The following ADAM12 variants were observed in gnomAD, a reference collection of about 807,000 sequenced individuals.
ADAM12 encodes the protein ADAM metallopeptidase domain 12.
A neutral mutation model predicts 106.4 loss-of-function variants in ADAM12; 70 were observed. That is an observed-to-expected ratio of 0.66 (90% CI 0.54 to 0.80). The LOEUF is 0.80. Among genes scored for constraint, ADAM12 ranks in the 30% least tolerant of loss-of-function variants. The probability of loss-of-function intolerance (pLI) is 0.00; values close to 1 mark genes in which losing one functional copy is unlikely to be tolerated. For missense variants in ADAM12, 1,010 were observed against 1,171.9 expected (o/e 0.86, Z 2.02); for synonymous variants, 420 against 433.5 (o/e 0.97, Z 0.39).
At chr10:126,332,115 G>A (rs899740130) in intron 1 of ADAM12, among the ~76,000 whole-genome samples, 3 of 152,206 alleles carry the variant, frequency 2.0e-5, no homozygotes, top group East Asian at 1.9e-4. Flanking sequence ...GCGGGGCCAC[G>A]GGCCAGTTGT....
intron 5 of ADAM12, among the ~76,000 whole-genome samples, chr10:126,128,480 T>C (rs1005598687): frequency 6.6e-6 from 1 of 152,252 alleles, no homozygotes; most frequent in Non-Finnish European, 1.5e-5. Context: ...AAATAAAGTA[T>C]GACCTACTGC....
intron 3 of ADAM12, among the ~76,000 whole-genome samples, chr10:126,222,897 G>A (rs1049919709): frequency 2.0e-5 from 3 of 152,072 alleles, no homozygotes; most frequent in African/African-American, 7.2e-5. Context: ...CCAATGCGTA[G>A]TCCAATTTCT....
chr10:126,158,891 GAGC>G (rs1956880248), intron 3 of ADAM12, among the ~76,000 whole-genome samples: 2 of 147,210 alleles, frequency 1.4e-5, no homozygotes, highest in African/African-American at 5.0e-5. Flanking sequence ...AGGATGCACA[GAGC>G]ATGGTGGGGA....
intron 11 of ADAM12, among the ~76,000 whole-genome samples, chr10:126,075,788 C>T (rs1955089439): frequency 6.6e-6 from 1 of 152,150 alleles, no homozygotes; most frequent in African/African-American, 2.4e-5. Context: ...AGAGAGGCAA[C>T]CCATTTTCTA....
chr10:126,252,237 TGGATTGGAC>T (rs1258094649), intron 3 of ADAM12, among the ~76,000 whole-genome samples: 108 of 83,652 alleles, frequency 1.3e-3, no homozygotes, highest in African/African-American at 1.7e-3. Flanking sequence ...ATTAGATGGA[TGGATTGGAC>T]TGATGGATGG....
chr10:126,267,093 A>C (rs1012318371), intron 3 of ADAM12, among the ~76,000 whole-genome samples: 4 of 152,218 alleles, frequency 2.6e-5, no homozygotes, highest in African/African-American at 9.7e-5. Context: ...TGATACCCAA[A>C]TCCAAATCCA....
intron 11 of ADAM12, among the ~76,000 whole-genome samples, chr10:126,082,634 G>A (rs1019683803): frequency 2.0e-5 from 3 of 152,060 alleles, no homozygotes; most frequent in Admixed American, 6.5e-5. Flanking sequence ...GCCTCCCAAA[G>A]TGCTGGGATT....
intron 3 of ADAM12, among the ~76,000 whole-genome samples, chr10:126,186,904 C>T (rs1957409400): frequency 6.6e-6 from 1 of 152,192 alleles, no homozygotes; most frequent in Admixed American, 6.5e-5. Context: ...GGGAAGCAGG[C>T]ACTACCATCT....
chr10:126,203,660 C>T (rs1957741189), intron 3 of ADAM12, among the ~76,000 whole-genome samples: 2 of 152,204 alleles, frequency 1.3e-5, no homozygotes, highest in African/African-American at 4.8e-5. Context: ...ATACCCTTTG[C>T]TTATCTGACA....
At chr10:126,375,971 G>T (rs1421314606) in intron 1 of ADAM12, among the ~76,000 whole-genome samples, 2 of 151,352 alleles carry the variant, frequency 1.3e-5, no homozygotes, top group Non-Finnish European at 2.9e-5. Flanking sequence ...AAATTTCTGG[G>T]CTCAAGTAAT....
chr10:126,084,887 T>C (rs952164316), intron 11 of ADAM12, among the ~76,000 whole-genome samples: 3 of 152,220 alleles, frequency 2.0e-5, no homozygotes, highest in African/African-American at 7.2e-5. Flanking sequence ...GTGGGCCCTC[T>C]GGCCTTCCTG....
intron 3 of ADAM12, among the ~76,000 whole-genome samples, chr10:126,269,516 G>C (rs532943965): frequency 1.5e-4 from 23 of 152,252 alleles, no homozygotes; most frequent in African/African-American, 5.5e-4. Flanking sequence ...AGGCCATAAC[G>C]ACCCCAGCCT....
At chr10:126,029,299 C>T (rs185127257) in intron 21 of ADAM12, among the ~76,000 whole-genome samples, 12 of 152,184 alleles carry the variant, frequency 7.9e-5, no homozygotes, top group Admixed American at 3.3e-4. Context: ...CATATGTTCA[C>T]TGCAGCACTA....
intron 6 of ADAM12, among the ~76,000 whole-genome samples, chr10:126,117,646 G>C (rs564872369): frequency 6.6e-6 from 1 of 151,602 alleles, no homozygotes; most frequent in African/African-American, 2.4e-5. Context: ...TAGAGAGTGG[G>C]TCAGGGTCCA....
intron 3 of ADAM12, among the ~76,000 whole-genome samples, chr10:126,231,203 T>C (rs1473817511): frequency 6.6e-6 from 1 of 152,214 alleles, no homozygotes; most frequent in Non-Finnish European, 1.5e-5. Flanking sequence ...GGCCGAGGTT[T>C]GCCAGAATAG....
chr10:126,086,916 C>T (rs1278818984), intron 11 of ADAM12, among the ~76,000 whole-genome samples: 2 of 150,994 alleles, frequency 1.3e-5, no homozygotes, highest in South Asian at 2.1e-4. Context: ...ACCTGTAATC[C>T]CAGCAACTCG....
Position 126,017,083 on chromosome 10 carries a change from A to G in ADAM12, c.*196T>C. ...TGTAATCAACATTCTGCATAAATTA[A>G]TAATTTACAAGTACCTGAGCAAGTA... On this transcript the variant is annotated 3_prime_UTR_variant, in exon 23 of 23. Coordinates refer to ENST00000448723, the MANE Select transcript of ADAM12 (RefSeq NM_001288973.2). 3.7e-6 allele frequency: 2 copies of G among 542,058 alleles called. No individual in the cohort carries two copies. Among genetic ancestry groups the G allele is most frequent in the South Asian group, 3.1e-5 (1 of 32,120 alleles). The allele number at this position is 542,058 out of a possible 1,614,324, so 33.6% of individuals were successfully genotyped here.
chr10:126,327,990 C>G (rs1433925672), intron 2 of ADAM12, among the ~76,000 whole-genome samples: 1 of 152,236 alleles, frequency 6.6e-6, no homozygotes, highest in South Asian at 2.1e-4. Flanking sequence ...GCCTCTTACA[C>G]TCTGGCTCTT....
chr10:126,160,570 A>G (rs1956914520), intron 3 of ADAM12, among the ~76,000 whole-genome samples: 1 of 152,154 alleles, frequency 6.6e-6, no homozygotes, highest in Non-Finnish European at 1.5e-5. Context: ...TCTGCAGCCA[A>G]GACTCCAGGT....
Sources: gnomAD v4.1 joint callset for allele counts (sites outside exome capture counted in the v4.1 genomes callset) on GRCh38, gnomAD v4.1.1 for gene constraint, MANE v1.5 for transcripts, NCBI Gene and HGNC (gene_info 2026-07-23, HGNC 2026-07-21) for gene names.